HMGA2: variants seen among roughly 807,000 people sequenced by gnomAD.
The protein encoded by HMGA2 is high mobility group protein HMGI-C.
Under a neutral mutation model 19.1 loss-of-function variants are expected in HMGA2, and 8 were observed. The ratio of observed to expected loss-of-function variants is 0.42; its 90% confidence interval spans 0.25 to 0.76. The LOEUF is 0.76. HMGA2 is among the 30% of genes least tolerant of loss of function. The probability of loss-of-function intolerance (pLI) is 0.28; values close to 1 mark genes in which losing one functional copy is unlikely to be tolerated. For synonymous variants in HMGA2, 60 were observed against 48.8 expected (o/e 1.23, Z -0.96); for missense variants, 109 against 136.3 (o/e 0.80, Z 1.00).
intron 3 of HMGA2, among the ~76,000 whole-genome samples, chr12:65,933,488 C>CA (rs1875787936): frequency 6.6e-6 from 1 of 152,112 alleles, no homozygotes; most frequent in Non-Finnish European, 1.5e-5. Context: ...CTATAGTCTG[C>CA]AAAATAGATT....
At chr12:65,952,287 T>A in intron 4 of HMGA2, 1 of 1,086,072 alleles carries the variant, frequency 9.2e-7, no homozygotes, top group Non-Finnish European at 1.4e-6. Flanking sequence ...TTTCATGTAA[T>A]TTTAAGTATC....
chr12:65,951,384 CACA>C lies in HMGA2; in HGVS notation c.256_258del (p.Gln86del), dbSNP rs754798604. 4 of 1,518,698 alleles carry C rather than the reference CACA, an allele frequency of 2.6e-6. No individual in the cohort carries two copies. The highest frequency in any genetic ancestry group is 2.5e-5 in the South Asian group (2 of 78,560). 94.1% of individuals were successfully genotyped at this position (1,518,698 alleles called of 1,614,324 possible). On this transcript the variant is annotated inframe_deletion and splice_region_variant, in exon 4 of 5. Coordinates refer to ENST00000403681, the MANE Select transcript of HMGA2 (RefSeq NM_003483.6). ...ATATCTTTTTCTTTTCCTCCTTAGCCACAACAAGTTGTTCAGAAGAAGCCTGCT... is the reference window on the plus strand; with the variant it reads ...ATATCTTTTTCTTTTCCTCCTTAGCCACAAGTTGTTCAGAAGAAGCCTGCT...
At chr12:65,875,609 T>TTTTTTTTTTTG (rs1872966082) in intron 3 of HMGA2, among the ~76,000 whole-genome samples, 1 of 115,300 alleles carries the variant, frequency 8.7e-6, no homozygotes, top group Non-Finnish European at 1.9e-5. Flanking sequence ...TTTTTTTTTT[T>TTTTTTTTTTTG]TTTTTTTTTT....
chr12:65,836,203 C>T (rs890598418), intron 2 of HMGA2, among the ~76,000 whole-genome samples: 8 of 151,688 alleles, frequency 5.3e-5, no homozygotes, highest in African/African-American at 1.9e-4. Context: ...ACTAAAAATA[C>T]AAAAAATTAG....
intron 3 of HMGA2, among the ~76,000 whole-genome samples, chr12:65,888,581 T>TTTTTGG (rs1873764908): frequency 1.2e-5 from 1 of 82,668 alleles, no homozygotes; most frequent in African/African-American, 4.2e-5. Context: ...TTTTTTTTTT[T>TTTTTGG]GAGACAGAGT....
rs191106062 is a variant in HMGA2 at position 65,840,343 on chromosome 12, G to C, written c.249+1774G>C. 2.4e-3 allele frequency among the ~76,000 whole-genome samples: 365 copies of C among 152,312 alleles called. 3 individuals are homozygous for C. The highest frequency in any genetic ancestry group is 8.1e-3 in the African/African-American group (336 of 41,572). ...CCATGATGTCTGGGGCCTCCACTGG[G>C]AAGACTCAAGCATCAGGGGATGACT... On this transcript the variant is annotated intron_variant, in intron 3 of 4. Transcript: ENST00000403681.
At chr12:65,924,387 G>A (rs1167184886) in intron 3 of HMGA2, among the ~76,000 whole-genome samples, 1 of 152,034 alleles carries the variant, frequency 6.6e-6, no homozygotes, top group Admixed American at 6.6e-5. Context: ...TAAATGCTGT[G>A]GGGTTACAAA....
At chr12:65,848,273 G>A (rs942400981) in intron 3 of HMGA2, among the ~76,000 whole-genome samples, 2 of 152,116 alleles carry the variant, frequency 1.3e-5, no homozygotes, top group East Asian at 3.8e-4. Flanking sequence ...AATTTTCTAA[G>A]GTAGTTTCTC....
intron 3 of HMGA2, among the ~76,000 whole-genome samples, chr12:65,950,551 G>A (rs1876422532): frequency 6.6e-6 from 1 of 152,194 alleles, no homozygotes; most frequent in African/African-American, 2.4e-5. Flanking sequence ...CATGGGAGGT[G>A]GCTAGGGACG....
At chr12:65,951,746 C>T in intron 4 of HMGA2, 1 of 211,772 alleles carries the variant, frequency 4.7e-6, no homozygotes. Context: ...AAATTTTGTC[C>T]TTCCAACTGA....
intron 3 of HMGA2, among the ~76,000 whole-genome samples, chr12:65,847,604 A>G (rs1355576507): frequency 2.0e-5 from 3 of 152,212 alleles, no homozygotes; most frequent in Admixed American, 6.5e-5. Context: ...GCCTGGGTTC[A>G]GGTATCAGCT....
At chr12:65,876,162 T>C (rs1873013691) in intron 3 of HMGA2, among the ~76,000 whole-genome samples, 1 of 152,158 alleles carries the variant, frequency 6.6e-6, no homozygotes, top group Non-Finnish European at 1.5e-5. Flanking sequence ...AAATCTGTGT[T>C]TATAAATGAT....
intron 3 of HMGA2, among the ~76,000 whole-genome samples, chr12:65,920,801 C>T (rs1426211135): frequency 2.6e-5 from 4 of 152,150 alleles, no homozygotes; most frequent in African/African-American, 9.7e-5. Context: ...TCTTTATCAG[C>T]AGCGTGAAAA....
chr12:65,896,044 T>C (rs1874114724), intron 3 of HMGA2, among the ~76,000 whole-genome samples: 1 of 152,232 alleles, frequency 6.6e-6, no homozygotes, highest in African/African-American at 2.4e-5. Flanking sequence ...AATAAAACTA[T>C]ATTCCTGTTG....
intron 4 of HMGA2, among the ~76,000 whole-genome samples, chr12:65,962,384 G>A (rs757191599): frequency 1.3e-4 from 20 of 152,204 alleles, no homozygotes; most frequent in Non-Finnish European, 2.2e-4. Flanking sequence ...AGGGAAGGAG[G>A]AGTTAGATTT....
At chr12:65,921,346 GC>G (rs1565733131) in intron 3 of HMGA2, among the ~76,000 whole-genome samples, 1 of 152,068 alleles carries the variant, frequency 6.6e-6, no homozygotes, top group Non-Finnish European at 1.5e-5. Context: ...TGCAAGCTCC[GC>G]CTCCCGGGTT....
intron 3 of HMGA2, among the ~76,000 whole-genome samples, chr12:65,936,033 C>T (rs1875881664): frequency 6.6e-6 from 1 of 152,140 alleles, no homozygotes; most frequent in Non-Finnish European, 1.5e-5. Context: ...ATGTCTAATA[C>T]ATATAGCTTT....
chr12:65,859,851 A>G (rs1341382185), intron 3 of HMGA2: 3 of 209,776 alleles, frequency 1.4e-5, no homozygotes, highest in Non-Finnish European at 1.0e-5. Flanking sequence ...TGGGAGCCTG[A>G]GATGGGAGGA....
At chr12:65,892,682 G>T (rs1873960794) in intron 3 of HMGA2, among the ~76,000 whole-genome samples, 1 of 152,088 alleles carries the variant, frequency 6.6e-6, no homozygotes, top group Non-Finnish European at 1.5e-5. Context: ...CCATGGGAAT[G>T]GGGTCGTCAG....
Sources: gnomAD v4.1 joint callset for allele counts (sites outside exome capture counted in the v4.1 genomes callset) on GRCh38, gnomAD v4.1.1 for gene constraint, MANE v1.5 for transcripts, NCBI Gene and HGNC (gene_info 2026-07-23, HGNC 2026-07-21) for gene names.